GRM8: variants seen among roughly 807,000 people sequenced by gnomAD.
The protein encoded by GRM8 is metabotropic glutamate receptor 8.
A neutral mutation model predicts 87.2 loss-of-function variants in GRM8; 47 were observed. The observed-to-expected ratio is 0.54, with a 90% CI of 0.43 to 0.69. GRM8 has a LOEUF of 0.69. GRM8 is among the 30% of genes least tolerant of loss of function. GRM8 has a pLI of 0.00. For synonymous variants in GRM8, 396 were observed against 404.5 expected, an observed-to-expected ratio of 0.98 and a Z score of 0.25; for missense variants, 1,019 against 1,139.2, an observed-to-expected ratio of 0.89 and a Z score of 1.52.
chr7:126,842,901 G>A (rs966141790), intron 6 of GRM8, among the ~76,000 whole-genome samples: 6 of 152,086 alleles, frequency 3.9e-5, no homozygotes, highest in African/African-American at 7.2e-5. Flanking sequence ...AAGACAATAC[G>A]CCTGTGTTCT....
chr7:126,516,609 T>C (rs1453317886), intron 9 of GRM8, among the ~76,000 whole-genome samples: 4 of 152,074 alleles, frequency 2.6e-5, no homozygotes, highest in African/African-American at 4.8e-5. Flanking sequence ...TCCAGTAGGA[T>C]AGCAGCAAGA....
At chr7:127,086,385 C>T (rs1390333008) in intron 3 of GRM8, among the ~76,000 whole-genome samples, 1 of 152,184 alleles carries the variant, frequency 6.6e-6, no homozygotes, top group Non-Finnish European at 1.5e-5. Flanking sequence ...CAGGCGTGAG[C>T]CACTGCGCCT....
intron 2 of GRM8, among the ~76,000 whole-genome samples, chr7:127,164,475 A>G (rs560800196): frequency 2.0e-5 from 3 of 152,270 alleles, no homozygotes; most frequent in South Asian, 4.2e-4. Context: ...AAATCTCAAT[A>G]ATTCACTGTA....
chr7:126,665,489 T>C (rs939713350), intron 7 of GRM8, among the ~76,000 whole-genome samples: 51 of 151,876 alleles, frequency 3.4e-4, no homozygotes, highest in African/African-American at 1.2e-3. Flanking sequence ...CCTAAGAAAA[T>C]TAATGCAGGA....
At chr7:126,689,525 T>C (rs1808571359) in intron 7 of GRM8, among the ~76,000 whole-genome samples, 1 of 152,164 alleles carries the variant, frequency 6.6e-6, no homozygotes, top group Non-Finnish European at 1.5e-5. Flanking sequence ...GATAATGTTA[T>C]GGCGCTGATC....
intron 3 of GRM8, among the ~76,000 whole-genome samples, chr7:127,086,999 A>G (rs2237789): frequency 0.24 from 36,547 of 152,160 alleles, 5,062 homozygotes; most frequent in African/African-American, 0.38. Flanking sequence ...AAGTTTCTCC[A>G]AGGAAAAAAT....
intron 7 of GRM8, among the ~76,000 whole-genome samples, chr7:126,767,548 A>G (rs1818326716): frequency 6.6e-6 from 1 of 152,070 alleles, no homozygotes; most frequent in Admixed American, 6.6e-5. Flanking sequence ...CGGTCCCTTT[A>G]TGCTTTGACT....
chr7:126,902,460 A>C (rs1490118889), intron 6 of GRM8, 82 bp downstream of exon 6: 10 of 1,123,412 alleles, frequency 8.9e-6, no homozygotes, highest in Non-Finnish European at 1.1e-5. Flanking sequence ...ATCATTATCC[A>C]TATAGAAAAA....
intron 3 of GRM8, among the ~76,000 whole-genome samples, chr7:127,034,978 G>C (rs1488793127): frequency 6.6e-6 from 1 of 152,154 alleles, no homozygotes; most frequent in Admixed American, 6.5e-5. Flanking sequence ...AGCTAGGAAA[G>C]TGAGCATGGT....
intron 2 of GRM8, among the ~76,000 whole-genome samples, chr7:127,150,758 G>C (rs998946316): frequency 6.6e-6 from 1 of 152,054 alleles, no homozygotes; most frequent in Non-Finnish European, 1.5e-5. Flanking sequence ...TGTTCAAGGA[G>C]AGTAGAGTCT....
intron 9 of GRM8, among the ~76,000 whole-genome samples, chr7:126,484,462 A>AT (rs138443971): frequency 0.018 from 2,814 of 152,170 alleles, 36 homozygotes; most frequent in Admixed American, 0.025. Flanking sequence ...CTCATCTATC[A>AT]TTTCTGTAGT....
At chr7:126,829,078 A>C in intron 6 of GRM8, among the ~76,000 whole-genome samples, 1 of 151,524 alleles carries the variant, frequency 6.6e-6, no homozygotes. Flanking sequence ...AGTTTGTTAT[A>C]ATTTCTGTTC....
At chr7:126,909,116 T>G (rs1296756898) in intron 3 of GRM8, among the ~76,000 whole-genome samples, 1 of 152,186 alleles carries the variant, frequency 6.6e-6, no homozygotes, top group Admixed American at 6.5e-5. Flanking sequence ...AATGACAATA[T>G]GTACACATAA....
chr7:126,734,066 C>G (rs2151489540), intron 7 of GRM8, among the ~76,000 whole-genome samples: 1 of 152,114 alleles, frequency 6.6e-6, no homozygotes, highest in African/African-American at 2.4e-5. Context: ...AATTAGCAGT[C>G]ATAACACATT....
At chr7:126,803,497 A>T (rs966234372) in intron 6 of GRM8, among the ~76,000 whole-genome samples, 1 of 152,182 alleles carries the variant, frequency 6.6e-6, no homozygotes, top group East Asian at 1.9e-4. Flanking sequence ...AGTCAAAAAA[A>T]ATTATAGGTA....
intron 3 of GRM8, among the ~76,000 whole-genome samples, chr7:126,927,443 T>C (rs1489670211): frequency 6.6e-6 from 1 of 152,164 alleles, no homozygotes; most frequent in African/African-American, 2.4e-5. Context: ...AGCCTGTTTA[T>C]TGTGACTTTA....
At chr7:126,985,661 G>C (rs996297462) in intron 3 of GRM8, among the ~76,000 whole-genome samples, 1 of 152,180 alleles carries the variant, frequency 6.6e-6, no homozygotes, top group African/African-American at 2.4e-5. Flanking sequence ...AGGCAGTGCA[G>C]GGCAGGGCAT....
chr7:126,677,982 T>A (rs901537457), intron 7 of GRM8, among the ~76,000 whole-genome samples: 1 of 152,172 alleles, frequency 6.6e-6, no homozygotes, highest in African/African-American at 2.4e-5. Flanking sequence ...ACTAGGGGCA[T>A]GGAAGAGGCA....
intron 3 of GRM8, among the ~76,000 whole-genome samples, chr7:126,976,373 A>G (rs1810987999): frequency 6.6e-6 from 1 of 152,222 alleles, no homozygotes; most frequent in Non-Finnish European, 1.5e-5. Flanking sequence ...AAGGGGGCGG[A>G]TCACAAGATC....
Sources: allele counts gnomAD v4.1 joint callset (sites outside exome capture counted in the v4.1 genomes callset), GRCh38; gene constraint gnomAD v4.1.1; transcripts MANE v1.5; gene names NCBI Gene and HGNC (gene_info 2026-07-23, HGNC 2026-07-21).